WDFY3: variants seen among roughly 807,000 people sequenced by gnomAD.
WDFY3 encodes WD repeat and FYVE domain-containing protein 3.
Under a neutral mutation model 409.6 loss-of-function variants are expected in WDFY3, and 66 were observed. That is an observed-to-expected ratio of 0.16 (90% CI 0.13 to 0.20). WDFY3 has a LOEUF of 0.20. WDFY3 is among the 10% of genes least tolerant of loss of function. The probability of loss-of-function intolerance (pLI) is 1.00; values close to 1 mark genes in which losing one functional copy is unlikely to be tolerated. For missense variants in WDFY3, 3,031 were observed against 4,298.1 expected (o/e 0.71, Z 8.24); for synonymous variants, 1,521 against 1,537.1 (o/e 0.99, Z 0.25).
intron 21 of WDFY3, among the ~76,000 whole-genome samples, chr4:84,792,065 G>C (rs1045788565): frequency 4.6e-5 from 7 of 152,130 alleles, no homozygotes; most frequent in African/African-American, 1.4e-4. Context: ...ATTTTTCACT[G>C]CATGTACAAA....
At chr4:84,801,950 A>T in intron 16 of WDFY3, 86 bp from the exon 17 acceptor site, 10 of 1,073,186 alleles carry the variant, frequency 9.3e-6, no homozygotes, top group African/African-American at 1.6e-5. Context: ...TACCTTTTTA[A>T]TTTTTTTTTT....
At chr4:84,695,547 G>GAGAC (rs1729993398) in intron 58 of WDFY3, among the ~76,000 whole-genome samples, 1 of 148,518 alleles carries the variant, frequency 6.7e-6, no homozygotes, top group Non-Finnish European at 1.5e-5. Context: ...GAGAGAGAGA[G>GAGAC]AGAGAGGCAC....
intron 49 of WDFY3, 136 bp downstream of exon 49, chr4:84,716,760 C>T (rs1455135912): frequency 9.0e-6 from 6 of 666,696 alleles, no homozygotes; most frequent in Non-Finnish European, 3.9e-6. Context: ...GATCATGCCA[C>T]TGCACTCCAG....
chr4:84,780,011 T>A lies in WDFY3; in HGVS notation c.4365+97A>T, dbSNP rs985549076. On this transcript the variant is annotated intron_variant, in intron 26 of 67. Transcript: ENST00000295888. ...TCTCTTTAAGTTTCCTTGGACAATA[T>A]AATTCTTCCAGAGTTTCAAACAACA... is the stretch of plus-strand genomic sequence containing the variant. The A allele has an allele frequency of 1.4e-5, 18 of 1,320,312 alleles. No homozygotes were observed. The African/African-American group carries it at 2.5e-4, about 18-fold the overall frequency. The allele number at this position is 1,320,312 out of a possible 1,614,324, so 81.8% of individuals were successfully genotyped here.
intron 1 of WDFY3, among the ~76,000 whole-genome samples, chr4:84,954,725 T>C (rs1774029853): frequency 6.6e-6 from 1 of 152,212 alleles, no homozygotes; most frequent in South Asian, 2.1e-4. Context: ...ATTATGTGTC[T>C]AGAGAGAAAA....
At chr4:84,962,969 C>T (rs182341330) in intron 1 of WDFY3, among the ~76,000 whole-genome samples, 76 of 151,844 alleles carry the variant, frequency 5.0e-4, no homozygotes, top group African/African-American at 1.8e-3. Context: ...CCACCATGCC[C>T]GGTCGCCATT....
At chr4:84,705,646 G>T (rs1287299853) in intron 53 of WDFY3, 135 bp from the exon 54 acceptor site, 3 of 709,644 alleles carry the variant, frequency 4.2e-6, no homozygotes, top group East Asian at 5.1e-5. Context: ...GGTATAACTG[G>T]ACTCCAAAAT....
At position 84,740,408 on chromosome 4, in the gene WDFY3, T is replaced by G; in HGVS notation, c.6243A>C (p.Arg2081Ser). The G allele has an allele frequency of 6.2e-7, 1 of 1,614,136 alleles. No individual in the cohort carries two copies. Among genetic ancestry groups the G allele is most frequent in the Non-Finnish European group, 8.5e-7 (1 of 1,179,986 alleles). ...FIIQLIAQSK[R>S]RSQGLSLDAV... ...CATCCAGTGACAATCCCTGTGATCT[T>G]CTCTTTGACTAAAGACATGAAAGGT... Residue 2081 changes from arginine (R) to serine (S), a missense_variant, in exon 39 of 68, where the codon AGA becomes AGC. Arg to Ser is a moderately radical substitution (Grantham distance 110, BLOSUM62 -1). This residue lies in a region of WDFY3 where 314 missense variants were observed against 397.4 expected (regional missense o/e 0.79). Coordinates refer to ENST00000295888, the MANE Select transcript of WDFY3 (RefSeq NM_014991.6).
Position 84,677,238 on chromosome 4 carries a change from C to T in WDFY3, c.10418G>A (p.Arg3473Gln), listed in dbSNP as rs985926243. 8 of 1,614,100 alleles carry T rather than the reference C, an allele frequency of 5.0e-6. No homozygotes were observed. Among genetic ancestry groups the T allele is most frequent in the Admixed American group, 1.7e-5 (1 of 60,006 alleles). Residue 3473 changes from arginine to glutamine, a missense_variant, in exon 67 of 68, where the codon CGA becomes CAA. Around this residue, in one of 16 missense-constraint regions of WDFY3, gnomAD observed 378 missense variants for 477.3 expected, o/e 0.79. Transcript: ENST00000295888. ...CSVRFSLTER[R>Q]HHCRNCGQLF... ...CTGACCACAGTTCCTGCAATGGTGT[C>T]GTCTTTCTGTGAGTGAAAACCTCAC... is the stretch of plus-strand genomic sequence containing the variant.
chr4:84,686,231 G>A (rs1002574548), intron 62 of WDFY3, among the ~76,000 whole-genome samples: 4 of 152,062 alleles, frequency 2.6e-5, no homozygotes, highest in Admixed American at 1.3e-4. Flanking sequence ...GCGTGAACCC[G>A]GGAGGTGGAG....
intron 2 of WDFY3, among the ~76,000 whole-genome samples, chr4:84,908,967 T>C (rs182589566): frequency 6.6e-6 from 1 of 152,236 alleles, no homozygotes; most frequent in Admixed American, 6.5e-5. Context: ...ATTCAAAAGA[T>C]GTTTATTGAA....
At chr4:84,806,150 A>C (rs1329563524) in intron 15 of WDFY3, among the ~76,000 whole-genome samples, 3 of 152,192 alleles carry the variant, frequency 2.0e-5, no homozygotes, top group Non-Finnish European at 4.4e-5. Flanking sequence ...AGATGTCTAT[A>C]AGCTGATGTA....
chr4:84,868,171 CAAAAAAAAAAAAAAAAAAAAAAAA>C (rs70943375), intron 3 of WDFY3, among the ~76,000 whole-genome samples: 16 of 38,462 alleles, frequency 4.2e-4, no homozygotes, highest in South Asian at 2.2e-3. Flanking sequence ...GACTCTGTCT[CAAAAAAAAAAAAAAAAAAAAAAAA>C]AAAAAAAAAA....
chr4:84,720,039 C>T (rs567654035), intron 47 of WDFY3, among the ~76,000 whole-genome samples: 1 of 152,328 alleles, frequency 6.6e-6, no homozygotes, highest in Non-Finnish European at 1.5e-5. Flanking sequence ...ATTCATGACA[C>T]ATTCAAGTCA....
chr4:84,931,790 CAAAGT>C (rs1295643420), intron 2 of WDFY3, among the ~76,000 whole-genome samples: 4 of 151,878 alleles, frequency 2.6e-5, no homozygotes, highest in Admixed American at 6.6e-5. Context: ...TTAATAACAA[CAAAGT>C]AAAGTAAAGC....
At chr4:84,871,565 T>A (rs958298843) in intron 3 of WDFY3, among the ~76,000 whole-genome samples, 2 of 152,062 alleles carry the variant, frequency 1.3e-5, no homozygotes, top group African/African-American at 4.8e-5. Flanking sequence ...GTAAATTGTA[T>A]CTATATTAAT....
At chr4:84,963,482 C>T (rs1386785500) in intron 1 of WDFY3, among the ~76,000 whole-genome samples, 1 of 150,772 alleles carries the variant, frequency 6.6e-6, no homozygotes, top group East Asian at 1.9e-4. Context: ...TTCGTAATCA[C>T]AGGAAATACT....
At chr4:84,860,255 T>C (rs1760418813) in intron 4 of WDFY3, among the ~76,000 whole-genome samples, 157 bp downstream of exon 4, 1 of 152,236 alleles carries the variant, frequency 6.6e-6, no homozygotes, top group Non-Finnish European at 1.5e-5. Flanking sequence ...CAAGTCACAC[T>C]GCTTTATAGC....
chr4:84,677,506 G>C (rs1168203692), intron 66 of WDFY3, 110 bp from the exon 67 acceptor site: 20 of 1,053,818 alleles, frequency 1.9e-5, no homozygotes, highest in South Asian at 1.3e-4. Flanking sequence ...GGCTGGTAAG[G>C]GTCCTGGAGA....
Sources: gnomAD v4.1 joint callset for allele counts (sites outside exome capture counted in the v4.1 genomes callset) on GRCh38, gnomAD v4.1.1 for gene constraint, gnomAD v4.1.1 regional missense constraint, MANE v1.5 for transcripts, NCBI Gene and HGNC (gene_info 2026-07-23, HGNC 2026-07-21) for gene names.